Variants in DDC observed in about 807,000 individuals in gnomAD.
DDC encodes the protein aromatic-L-amino-acid decarboxylase.
Under a neutral mutation model 60.0 loss-of-function variants are expected in DDC, and 43 were observed. The observed-to-expected ratio is 0.72, with a 90% confidence interval of 0.56 to 0.92. The LOEUF (loss-of-function observed/expected upper bound fraction) is 0.92, where lower values mean the gene tolerates loss of function less well. Among genes scored for constraint, DDC ranks in the 40% least tolerant of loss-of-function variants. DDC has a pLI of 0.00. For missense variants in DDC, 573 were observed against 620.2 expected, an observed-to-expected ratio of 0.92 and a Z score of 0.81; for synonymous variants, 232 against 234.6, an observed-to-expected ratio of 0.99 and a Z score of 0.10.
At chr7:50,524,206 A>G (rs1320519903) in intron 6 of DDC, among the ~76,000 whole-genome samples, 2 of 152,172 alleles carry the variant, frequency 1.3e-5, no homozygotes, top group East Asian at 3.9e-4. Context: ...TTTTTATGGC[A>G]GTGAAACTAT....
rs757500557 is a variant in DDC, at chr7:50,528,128, C to G, written c.714+9G>C. On this transcript the variant is annotated intron_variant, in intron 6 of 14. Coordinates refer to ENST00000444124, the MANE Select transcript of DDC (RefSeq NM_001082971.2). The stretch of plus-strand genomic sequence containing the variant: ...ATTGGCCAGGAGCCACAAGTGCTGC[C>G]GAACTTACAAAGAAAGGAATCAGGC... The G allele has an allele frequency of 6.2e-7, 1 of 1,612,136 alleles. No individual in the cohort carries two copies. The highest frequency in any genetic ancestry group is 2.2e-5 in the East Asian group (1 of 44,862).
chr7:50,482,073 G>A (rs771768858), intron 9 of DDC, among the ~76,000 whole-genome samples: 7 of 152,300 alleles, frequency 4.6e-5, no homozygotes, highest in South Asian at 2.1e-4. Flanking sequence ...GGCAGCGCCC[G>A]TCGGCCATGC....
chr7:50,468,213 C>T (rs1358515791), intron 12 of DDC, among the ~76,000 whole-genome samples: 2 of 152,226 alleles, frequency 1.3e-5, no homozygotes, highest in African/African-American at 4.8e-5. Context: ...CAGAGAGCGC[C>T]AAAGACCTCG....
At chr7:50,505,525 C>A (rs1357750799) in intron 6 of DDC, among the ~76,000 whole-genome samples, 6 of 152,212 alleles carry the variant, frequency 3.9e-5, no homozygotes, top group South Asian at 2.1e-4. Context: ...AGTTCGAGAC[C>A]TTTGTGGCTC....
At position 50,499,155 on chromosome 7, in the gene DDC, C is replaced by G. The variant is rs769743764; in HGVS notation, c.869G>C (p.Gly290Ala). The change falls in exon 8 of 15, where the codon GGA becomes GCA. Residue 290 changes from glycine (G) to alanine (A), a missense_variant. Coordinates refer to ENST00000444124, the MANE Select transcript of DDC (RefSeq NM_001082971.2). Reference sequence around the variant, plus strand: ...AGCGAAGGGTGCACCTACCTCCACTCCATTCAGAAGGTGCCGGAACTCAGG... The same window carrying G: ...AGCGAAGGGTGCACCTACCTCCACTGCATTCAGAAGGTGCCGGAACTCAGG... The part of the protein sequence containing the change: ...ICPEFRHLLN[G>A]VEFADSFNFN... 30 of 1,613,026 alleles carry G rather than the reference C, an allele frequency of 1.9e-5. No individual in the cohort carries two copies. Among genetic ancestry groups the G allele is most frequent in the Non-Finnish European group, 2.5e-5 (29 of 1,179,018 alleles).
At chr7:50,538,671 G>A (rs1325162820) in intron 3 of DDC, among the ~76,000 whole-genome samples, 1 of 152,226 alleles carries the variant, frequency 6.6e-6, no homozygotes. Flanking sequence ...GAGGTATCAG[G>A]CAACGCAGCC....
chr7:50,523,309 G>A (rs183613385), intron 6 of DDC, among the ~76,000 whole-genome samples: 2 of 152,292 alleles, frequency 1.3e-5, no homozygotes, highest in East Asian at 1.9e-4. Flanking sequence ...CATGAAAGAA[G>A]TAATTGATAA....
chr7:50,492,568 T>G, intron 9 of DDC: 1 of 486,248 alleles, frequency 2.1e-6, no homozygotes, highest in Non-Finnish European at 2.8e-6. Context: ...CCCACCACTG[T>G]CGCCCACTCC....
Position 50,495,374 on chromosome 7 carries a change from A to C in DDC, c.920T>G (p.Val307Gly). 1 of 1,613,338 alleles carries C rather than the reference A, an allele frequency of 6.2e-7. No homozygotes were observed. The highest frequency in any genetic ancestry group is 8.5e-7 in the Non-Finnish European group (1 of 1,179,636). ...FNFNPHKWLL[V>G]NFDCSAMWVK... is the part of the protein sequence containing the mutation. ...CCACATGGCAGAACAGTCAAAATTCACCAATAGCCATTTGTGGGGATTAAA... is the reference window on the plus strand; with the variant it reads ...CCACATGGCAGAACAGTCAAAATTCCCCAATAGCCATTTGTGGGGATTAAA... The change falls in exon 9 of 15, where the codon GTG (valine) becomes GGG (glycine). Residue 307 changes from valine to glycine, a missense_variant. Val to Gly is a moderately radical substitution (Grantham distance 109). Coordinates refer to ENST00000444124, the MANE Select transcript of DDC (RefSeq NM_001082971.2).
At chr7:50,479,354 T>C (rs2042716274) in intron 10 of DDC, among the ~76,000 whole-genome samples, 1 of 152,238 alleles carries the variant, frequency 6.6e-6, no homozygotes, top group African/African-American at 2.4e-5. Context: ...TTATTTTCTC[T>C]TCCCTCACCA....
chr7:50,540,553 C>T (rs953333451), intron 2 of DDC, among the ~76,000 whole-genome samples: 1 of 152,094 alleles, frequency 6.6e-6, no homozygotes, highest in Non-Finnish European at 1.5e-5. Flanking sequence ...CACAAACATG[C>T]ATCTGGTCTT....
chr7:50,466,260 C>A (rs921371815), intron 13 of DDC, among the ~76,000 whole-genome samples: 1 of 152,068 alleles, frequency 6.6e-6, no homozygotes, highest in Non-Finnish European at 1.5e-5. Context: ...GAGGCTGAGG[C>A]GGGTGGATCA....
intron 6 of DDC, among the ~76,000 whole-genome samples, chr7:50,506,029 C>T (rs956304433): frequency 1.3e-5 from 2 of 152,212 alleles, no homozygotes; most frequent in African/African-American, 2.4e-5. Context: ...GGAAAAACAG[C>T]GGCAAGGGCC....
intron 1 of DDC, among the ~76,000 whole-genome samples, chr7:50,558,084 C>T (rs569698609): frequency 6.6e-6 from 1 of 151,712 alleles, no homozygotes; most frequent in Admixed American, 6.6e-5. Flanking sequence ...ATCACCCCCC[C>T]CCTTACAAAT....
Position 50,479,817 on chromosome 7 carries a change from T to A in DDC, c.991A>T (p.Thr331Ser), listed in dbSNP as rs2042727078. ...TCCTGATGGCTGTGCTTCAGGTAAGTGGGGTCCAGTCTAAAGGCTCCCGTT... is the reference window on the plus strand; with the variant it reads ...TCCTGATGGCTGTGCTTCAGGTAAGAGGGGTCCAGTCTAAAGGCTCCCGTT... ...DLTGAFRLDP[T>S]YLKHSHQDSG... is the part of the protein sequence containing the mutation. The change falls in exon 10 of 15, where the codon ACT (threonine) becomes TCT (serine). Residue 331 changes from threonine (T) to serine (S), a missense_variant. Transcript: ENST00000444124. 2 of 1,613,680 alleles carry A rather than the reference T, an allele frequency of 1.2e-6. No homozygotes were observed. The highest frequency in any genetic ancestry group is 2.2e-5 in the South Asian group (2 of 91,060).
intron 6 of DDC, among the ~76,000 whole-genome samples, chr7:50,509,193 G>A (rs2043483251): frequency 6.6e-6 from 1 of 151,962 alleles, no homozygotes; most frequent in Admixed American, 6.6e-5. Flanking sequence ...GCCGGTGCAT[G>A]GGGCAGTCTA....
intron 9 of DDC, among the ~76,000 whole-genome samples, chr7:50,494,673 A>ACTT (rs918475081): frequency 2.0e-5 from 3 of 149,206 alleles, no homozygotes; most frequent in African/African-American, 7.6e-5. Context: ...TTTCGCGAAT[A>ACTT]CTTTTTTTTT....
chr7:50,529,291 C>T lies in DDC; in HGVS notation c.487G>A (p.Val163Met). The T allele has an allele frequency of 6.2e-7, 1 of 1,614,202 alleles. No individual in the cohort carries two copies. Among genetic ancestry groups the T allele is most frequent in the Non-Finnish European group, 8.5e-7 (1 of 1,180,046 alleles). The change falls in exon 5 of 15, where the codon GTG (valine) becomes ATG (methionine). Residue 163 changes from valine to methionine, a missense_variant. Physicochemically the swap from Val to Met is conservative, Grantham distance 21 (BLOSUM62 1). Coordinates refer to ENST00000444124, the MANE Select transcript of DDC (RefSeq NM_001082971.2). ...LVALLAARTK[V>M]IHRLQAASPE... is the part of the protein sequence containing the mutation. Reference sequence around the variant, plus strand: ...GACGCTGCCTGCAGCCGATGGATCACTTTGGTCCGAGCGGCCAGCAGGGCC... The same window carrying T: ...GACGCTGCCTGCAGCCGATGGATCATTTTGGTCCGAGCGGCCAGCAGGGCC...
At chr7:50,482,840 A>C (rs968056997) in intron 9 of DDC, among the ~76,000 whole-genome samples, 1 of 152,230 alleles carries the variant, frequency 6.6e-6, no homozygotes, top group Non-Finnish European at 1.5e-5. Context: ...TGTTTAATGT[A>C]GATGTAAAAA....
Sources: gnomAD v4.1 joint callset for allele counts (sites outside exome capture counted in the v4.1 genomes callset) on GRCh38, gnomAD v4.1.1 for gene constraint, MANE v1.5 for transcripts, NCBI Gene and HGNC (gene_info 2026-07-23, HGNC 2026-07-21) for gene names.